Variants in STARD6 observed in about 807,000 individuals in gnomAD.
STARD6 encodes StAR related lipid transfer domain containing 6, also known as stAR-related lipid transfer protein 6.
Under a neutral mutation model 22.3 loss-of-function variants are expected in STARD6, and 21 were observed. That is an observed-to-expected ratio of 0.94 (90% CI 0.67 to 1.35). The LOEUF (loss-of-function observed/expected upper bound fraction) is 1.35. Ranked by LOEUF, STARD6 falls within the 40% of genes most tolerant of loss-of-function variation. The pLI is 0.00. For synonymous variants in STARD6, 80 were observed against 88.1 expected (o/e 0.91, Z 0.52); for missense variants, 269 against 266.9 (o/e 1.01, Z -0.05).
intron 4 of STARD6, among the ~76,000 whole-genome samples, chr18:54,339,303 A>T (rs1873726592): frequency 6.6e-6 from 1 of 151,704 alleles, no homozygotes; most frequent in African/African-American, 2.4e-5. Context: ...AAAGAAAAAT[A>T]TGCAAAAAAA....
intron 4 of STARD6, among the ~76,000 whole-genome samples, chr18:54,348,070 T>C (rs1053632614): frequency 2.0e-5 from 3 of 152,140 alleles, no homozygotes; most frequent in African/African-American, 7.2e-5. Context: ...CATGTAAGAA[T>C]GACTTTCATC....
chr18:54,331,767 G>A lies in STARD6; in HGVS notation c.360C>T (p.Tyr120=), dbSNP rs745912034. The change falls in exon 6 of 8, where the codon TAC becomes TAT. Residue 120 remains tyrosine, a synonymous_variant. Coordinates refer to ENST00000307844, the MANE Select transcript of STARD6 (RefSeq NM_139171.2). ...AACTGATAATGTTCATATTTCCTTC[G>A]TAGCGCTTGATGTACACTAAGTCGA... is the stretch of plus-strand genomic sequence containing the variant. ...DFIDLVYIKR[Y]EGNMNIISSK... is the part of the protein sequence containing the mutation. The A allele has an allele frequency of 7.5e-6, 12 of 1,610,180 alleles. No individual in the cohort carries two copies. The highest frequency in any genetic ancestry group is 2.2e-5 in the East Asian group (1 of 44,840).
intron 7 of STARD6, among the ~76,000 whole-genome samples, chr18:54,325,259 C>G (rs951988109): frequency 4.6e-5 from 7 of 151,720 alleles, no homozygotes; most frequent in Non-Finnish European, 8.8e-5. Flanking sequence ...TATATATACA[C>G]AAAAACAGCA....
chr18:54,348,680 G>A (rs967156469), intron 4 of STARD6, among the ~76,000 whole-genome samples: 5 of 152,130 alleles, frequency 3.3e-5, no homozygotes, highest in Admixed American at 2.6e-4. Context: ...CTGACATATA[G>A]TAGGACATTA....
intron 1 of STARD6, chr18:54,357,181 A>G (rs1599316423): frequency 6.6e-6 from 1 of 152,158 alleles, no homozygotes; most frequent in East Asian, 1.9e-4. Context: ...TTTTTGATAC[A>G]CCAATTGGTT....
chr18:54,336,196 T>C (rs2088910597), intron 5 of STARD6, among the ~76,000 whole-genome samples: 2 of 152,226 alleles, frequency 1.3e-5, no homozygotes, highest in Admixed American at 1.3e-4. Context: ...TCTATTTAAC[T>C]GAGATAATGT....
At position 54,324,859 on chromosome 18, in the gene STARD6, T is replaced by G. The variant is rs746506208; in HGVS notation, c.496A>C (p.Lys166Gln). The G allele has an allele frequency of 6.4e-7, 1 of 1,558,498 alleles. No individual in the cohort carries two copies. The highest frequency in any genetic ancestry group is 8.6e-7 in the Non-Finnish European group (1 of 1,158,814). ...SPMEENPAYS[K>Q]LVMFVQTEMR... is the part of the protein sequence containing the mutation. ...TCTGTCTGGACAAACATCACTAGTT[T>G]GGAATATGCTGGGTTTCTGTAAGCA... Residue 166 changes from lysine (K) to glutamine (Q), a missense_variant, in exon 8 of 8, where the codon AAA becomes CAA. Transcript: ENST00000307844.
intron 5 of STARD6, 32 bp from the exon 6 acceptor site, chr18:54,331,891 C>T (rs749293172): frequency 3.5e-6 from 5 of 1,417,890 alleles, no homozygotes; most frequent in East Asian, 4.6e-5. Context: ...AGATAACAAA[C>T]GTTACTTAAT....
chr18:54,344,881 T>C (rs1206555076), intron 4 of STARD6, among the ~76,000 whole-genome samples: 1 of 152,162 alleles, frequency 6.6e-6, no homozygotes, highest in African/African-American at 2.4e-5. Flanking sequence ...GAATGAGGGG[T>C]ATAGGGAAAT....
chr18:54,326,279 T>A (rs2088824058), intron 7 of STARD6, among the ~76,000 whole-genome samples: 2 of 152,100 alleles, frequency 1.3e-5, no homozygotes, highest in African/African-American at 4.8e-5. Context: ...GCCATTTTTT[T>A]TTTTCAGTAA....
At chr18:54,348,438 A>G (rs1412578773) in intron 4 of STARD6, among the ~76,000 whole-genome samples, 1 of 152,176 alleles carries the variant, frequency 6.6e-6, no homozygotes, top group Non-Finnish European at 1.5e-5. Flanking sequence ...CCACAGATAC[A>G]TCTTGACAGT....
intron 4 of STARD6, among the ~76,000 whole-genome samples, chr18:54,341,844 C>G (rs748579257): frequency 6.6e-6 from 1 of 151,992 alleles, no homozygotes; most frequent in African/African-American, 2.4e-5. Flanking sequence ...AATAACCTAG[C>G]CTTTAATTTT....
Position 54,354,043 on chromosome 18 carries a change from A to T in STARD6, c.140+11T>A. 1 of 1,535,564 alleles carries T rather than the reference A, an allele frequency of 6.5e-7. No homozygotes were observed. Among genetic ancestry groups the T allele is most frequent in the Non-Finnish European group, 8.9e-7 (1 of 1,128,324 alleles). ...TTAAAACAGTAATTGTAAATAGAAG[A>T]TTGTACTCACAGATTTCCATGGAAT... On this transcript the variant is annotated intron_variant, in intron 4 of 7. Transcript: ENST00000307844.
rs1241688299 is a variant in STARD6, at chr18:54,343,135, C to T, written c.141-5884G>A. On this transcript the variant is annotated intron_variant, in intron 4 of 7. Transcript: ENST00000307844. ...ACCGCCCCATCTGGGATGTGAGGAG[C>T]GCCTCTGCCCGGCCGAGACCCCGTC... 3.5e-4 allele frequency among the ~76,000 whole-genome samples: 12 copies of T among 34,582 alleles called. No homozygotes were observed. In the East Asian group the frequency reaches 4.5e-3, roughly 13 times the overall value. The allele number at this position is 34,582 out of a possible 152,430, so 22.7% of individuals were successfully genotyped here.
intron 4 of STARD6, among the ~76,000 whole-genome samples, chr18:54,341,288 C>T (rs1257844293): frequency 6.6e-6 from 1 of 152,016 alleles, no homozygotes; most frequent in East Asian, 1.9e-4. Flanking sequence ...CTCGATCTCC[C>T]GACCTCATGA....
At chr18:54,327,440 G>T (rs1269289700) in intron 7 of STARD6, among the ~76,000 whole-genome samples, 1 of 152,022 alleles carries the variant, frequency 6.6e-6, no homozygotes, top group Non-Finnish European at 1.5e-5. Flanking sequence ...TTATATGAGG[G>T]AAAAATAAAA....
At chr18:54,346,859 A>T (rs976843468) in intron 4 of STARD6, among the ~76,000 whole-genome samples, 1 of 152,112 alleles carries the variant, frequency 6.6e-6, no homozygotes, top group Admixed American at 6.5e-5. Context: ...ATAGGCAAAT[A>T]TAAAAGGCAG....
intron 4 of STARD6, among the ~76,000 whole-genome samples, chr18:54,344,594 A>AG (rs1456376369): frequency 4.7e-5 from 6 of 128,238 alleles, no homozygotes; most frequent in African/African-American, 1.8e-4. Flanking sequence ...AAAAAAAAAA[A>AG]AAAAAAAGAA....
At chr18:54,346,131 C>A (rs2089031653) in intron 4 of STARD6, among the ~76,000 whole-genome samples, 1 of 152,022 alleles carries the variant, frequency 6.6e-6, no homozygotes, top group South Asian at 2.1e-4. Flanking sequence ...GAGAAGACAA[C>A]CTACAGAATG....
Sources: gnomAD v4.1 joint callset for allele counts (sites outside exome capture counted in the v4.1 genomes callset) on GRCh38, gnomAD v4.1.1 for gene constraint, MANE v1.5 for transcripts, NCBI Gene and HGNC (gene_info 2026-07-23, HGNC 2026-07-21) for gene names.